Variants in DYNC2H1 observed in about 807,000 individuals in gnomAD.
DYNC2H1 encodes the protein cytoplasmic dynein 2 heavy chain 1.
A neutral mutation model predicts 570.0 loss-of-function variants in DYNC2H1; 410 were observed. That is an observed-to-expected ratio of 0.72 (90% CI 0.66 to 0.78). The LOEUF (loss-of-function observed/expected upper bound fraction) is 0.78. Ranked by LOEUF, DYNC2H1 falls within the 30% of genes least tolerant of loss-of-function variation. The probability of loss-of-function intolerance (pLI) is 0.00; values close to 1 mark genes in which losing one functional copy is unlikely to be tolerated. For synonymous variants in DYNC2H1, 1,688 were observed against 1,677.6 expected, an observed-to-expected ratio of 1.01 and a Z score of -0.15; for missense variants, 4,865 against 5,046.4, an observed-to-expected ratio of 0.96 and a Z score of 1.09.
chr11:103,144,313 T>C (rs188711769), intron 18 of DYNC2H1, among the ~76,000 whole-genome samples: 51 of 152,362 alleles, frequency 3.3e-4, no homozygotes, highest in Admixed American at 7.8e-4. Context: ...TCCATATAAG[T>C]AACTGGCACA....
intron 88 of DYNC2H1, among the ~76,000 whole-genome samples, chr11:103,476,197 G>T (rs1485936465): frequency 6.6e-6 from 1 of 152,142 alleles, no homozygotes; most frequent in Admixed American, 6.6e-5. Flanking sequence ...AGAGGGAAGA[G>T]ATTAGTCAGT....
At chr11:103,141,633 T>G (rs905913608) in intron 17 of DYNC2H1, among the ~76,000 whole-genome samples, 5 of 152,152 alleles carry the variant, frequency 3.3e-5, no homozygotes, top group Non-Finnish European at 7.4e-5. Context: ...GCCTCCCAGT[T>G]AGGCTGCTCA....
At chr11:103,111,849 G>A (rs1858131554) in intron 1 of DYNC2H1, among the ~76,000 whole-genome samples, 1 of 152,138 alleles carries the variant, frequency 6.6e-6, no homozygotes, top group African/African-American at 2.4e-5. Context: ...GATTCAATAA[G>A]TTAATAAGTC....
chr11:103,219,312 C>A (rs1863498533), intron 55 of DYNC2H1, among the ~76,000 whole-genome samples: 1 of 152,108 alleles, frequency 6.6e-6, no homozygotes, highest in Non-Finnish European at 1.5e-5. Flanking sequence ...TAAAATCATA[C>A]CTTGAAAATT....
chr11:103,386,903 T>A (rs199825463), intron 83 of DYNC2H1, among the ~76,000 whole-genome samples: 98 of 71,850 alleles, frequency 1.4e-3, no homozygotes, highest in Non-Finnish European at 2.7e-3. Flanking sequence ...TCTATCGTTG[T>A]TGGACATTTG....
At chr11:103,437,510 G>GAA (rs11462730) in intron 85 of DYNC2H1, among the ~76,000 whole-genome samples, 3 of 151,544 alleles carry the variant, frequency 2.0e-5, no homozygotes, top group South Asian at 2.1e-4. Context: ...ATTGTTAAAG[G>GAA]AAAAAAAAGT....
chr11:103,171,898 CAACA>C (rs1861590230), intron 34 of DYNC2H1, among the ~76,000 whole-genome samples: 1 of 152,160 alleles, frequency 6.6e-6, no homozygotes, highest in East Asian at 1.9e-4. Flanking sequence ...AATGTTAAAA[CAACA>C]AACACTTAGC....
Position 103,179,490 on chromosome 11 carries a change from G to C in DYNC2H1, c.6347+257G>C, listed in dbSNP as rs628939. 0.89 allele frequency among the ~76,000 whole-genome samples: 134,264 copies of C among 151,666 alleles called. 59,751 individuals are homozygous for C. The highest frequency in any genetic ancestry group is 0.93 in the Non-Finnish European group (62,680 of 67,718). On this transcript the variant is annotated intron_variant, in intron 39 of 88. Coordinates refer to ENST00000375735, the MANE Select transcript of DYNC2H1 (RefSeq NM_001377.3). The stretch of plus-strand genomic sequence containing the variant: ...ATGAAACAGCAAGAAAATTTGGTCT[G>C]TTTATTATTTTGTTGAAATATTGTG...
chr11:103,243,635 A>C lies in DYNC2H1; in HGVS notation c.9820-58A>C. ...TTATAATTTCTAGAAAACTATTTCC[A>C]TTTAAATGAAAGCTTATAATCATTA... On this transcript the variant is annotated intron_variant, in intron 63 of 88. Coordinates refer to ENST00000375735, the MANE Select transcript of DYNC2H1 (RefSeq NM_001377.3). The surrounding 1 kb of genome is among the most constrained non-coding windows in gnomAD (Gnocchi z 4.8). 1 of 1,265,320 alleles carries C rather than the reference A, an allele frequency of 7.9e-7. No individual in the cohort carries two copies. Among genetic ancestry groups the C allele is most frequent in the Non-Finnish European group, 1.1e-6 (1 of 910,610 alleles). 78.4% of individuals were successfully genotyped at this position (1,265,320 alleles called of 1,614,324 possible).
intron 81 of DYNC2H1, among the ~76,000 whole-genome samples, chr11:103,322,995 G>T (rs182456115): frequency 2.3e-4 from 35 of 152,218 alleles, no homozygotes; most frequent in African/African-American, 8.4e-4. Flanking sequence ...ATATTTACAG[G>T]CCCCGGACTT....
chr11:103,286,387 G>T lies in DYNC2H1; in HGVS notation c.11022+1G>T. Reference sequence around the variant, plus strand: ...AAAGAAAGTTTCCTTATTTCAGCAGGTAAAATTTAGTGTTATCTAAATGCA... The same window carrying T: ...AAAGAAAGTTTCCTTATTTCAGCAGTTAAAATTTAGTGTTATCTAAATGCA... On this transcript the variant is annotated splice_donor_variant, in intron 74 of 88. Transcript: ENST00000375735. LOFTEE classifies it high-confidence loss of function. 1 of 1,609,502 alleles carries T rather than the reference G, an allele frequency of 6.2e-7. No individual in the cohort carries two copies. Among genetic ancestry groups the T allele is most frequent in the African/African-American group, 1.3e-5 (1 of 74,746 alleles).
At chr11:103,384,259 G>T (rs1941787224) in intron 83 of DYNC2H1, among the ~76,000 whole-genome samples, 1 of 151,984 alleles carries the variant, frequency 6.6e-6, no homozygotes, top group Admixed American at 6.6e-5. Context: ...TTGAACATTT[G>T]TCATCGTAAA....
Position 103,288,684 on chromosome 11 carries a change from T to TAAAAAA in DYNC2H1, c.11095+1100_11095+1105dup, listed in dbSNP as rs57040929. ...CTACATGGTGAAACCCCGTCTCTAC[T>TAAAAAA]AAAAAAAAAAAAAAAAAAAAAAAAA... On this transcript the variant is annotated intron_variant, in intron 75 of 88. Coordinates refer to ENST00000375735, the MANE Select transcript of DYNC2H1 (RefSeq NM_001377.3). 8.4e-3 allele frequency among the ~76,000 whole-genome samples: 235 copies of TAAAAAA among 27,894 alleles called. 12 individuals are homozygous for TAAAAAA. Among genetic ancestry groups the TAAAAAA allele is most frequent in the African/African-American group, 0.034 (212 of 6,296 alleles). 18.3% of individuals were successfully genotyped at this position (27,894 alleles called of 152,430 possible). A position where few individuals can be genotyped will look rare whatever the true frequency, so the allele number is the denominator to read the frequency against.
rs187182068 is a variant in DYNC2H1, at chr11:103,142,195, C to T, written c.2575-1073C>T. ...CAATGCCTCGCCCTGCTTCGGCTCA[C>T]GCACGATGCGCTGCACCCACTGTCC... On this transcript the variant is annotated intron_variant, in intron 17 of 88. Coordinates refer to ENST00000375735, the MANE Select transcript of DYNC2H1 (RefSeq NM_001377.3). 8.0e-4 allele frequency among the ~76,000 whole-genome samples: 122 copies of T among 152,378 alleles called. 1 individual carries two copies. In the East Asian group the frequency reaches 0.019, roughly 24 times the overall value.
chr11:103,197,304 AGTG>A (rs999308863), intron 47 of DYNC2H1, among the ~76,000 whole-genome samples: 8 of 152,104 alleles, frequency 5.3e-5, no homozygotes, highest in African/African-American at 1.9e-4. Flanking sequence ...GAGAATAGAC[AGTG>A]GGGAGTAGTG....
At chr11:103,375,905 G>T (rs1375684022) in intron 83 of DYNC2H1, among the ~76,000 whole-genome samples, 1 of 152,172 alleles carries the variant, frequency 6.6e-6, no homozygotes, top group East Asian at 1.9e-4. Flanking sequence ...GAGGACATGA[G>T]ATTTTGGAGG....
intron 63 of DYNC2H1, among the ~76,000 whole-genome samples, chr11:103,237,738 TA>T: frequency 6.8e-6 from 1 of 147,992 alleles, no homozygotes; most frequent in African/African-American, 2.5e-5. Flanking sequence ...GATTGCAAAT[TA>T]AAAAAAAAAG....
intron 86 of DYNC2H1, among the ~76,000 whole-genome samples, chr11:103,455,524 T>A (rs990493201): frequency 6.6e-6 from 1 of 152,192 alleles, no homozygotes. Context: ...AAAATGTAAC[T>A]TTTATAATTT....
In DYNC2H1 at chr11:103,109,468, G is replaced by C. The variant is rs763525561; in HGVS notation, c.-107G>C. Reference sequence around the variant, plus strand: ...CAACCGCGAAGCTCTGCGGTCCCGCGGTCGGGCTACGGGTTTGAGCAAAGC... The same window carrying C: ...CAACCGCGAAGCTCTGCGGTCCCGCCGTCGGGCTACGGGTTTGAGCAAAGC... On this transcript the variant is annotated 5_prime_UTR_variant, in exon 1 of 89. Coordinates refer to ENST00000375735, the MANE Select transcript of DYNC2H1 (RefSeq NM_001377.3). The C allele has an allele frequency of 2.8e-5, 31 of 1,107,732 alleles. No homozygotes were observed. In the South Asian group the frequency reaches 3.0e-4, roughly 11 times the overall value. The allele number at this position is 1,107,732 out of a possible 1,614,324, so 68.6% of individuals were successfully genotyped here. A position where few individuals can be genotyped will look rare whatever the true frequency, so the allele number is the denominator to read the frequency against.
Sources: gnomAD v4.1 joint callset for allele counts (sites outside exome capture counted in the v4.1 genomes callset) on GRCh38, gnomAD v4.1.1 for gene constraint, Gnocchi (gnomAD v3.1) non-coding constraint, MANE v1.5 for transcripts, NCBI Gene and HGNC (gene_info 2026-07-23, HGNC 2026-07-21) for gene names.